Variants in GATB observed in about 807,000 individuals in gnomAD.
GATB encodes the protein glutamyl-tRNA(Gln) amidotransferase subunit B, mitochondrial.
Under a neutral mutation model 62.3 loss-of-function variants are expected in GATB, and 39 were observed. The ratio of observed to expected loss-of-function variants is 0.63; its 90% CI spans 0.48 to 0.82. GATB has a LOEUF of 0.82. GATB is among the 40% of genes least tolerant of loss of function. The probability of loss-of-function intolerance (pLI) is 0.00; values close to 1 mark genes in which losing one functional copy is unlikely to be tolerated. For synonymous variants in GATB, 276 were observed against 258.9 expected, an observed-to-expected ratio of 1.07 and a Z score of -0.63; for missense variants, 670 against 684.0, an observed-to-expected ratio of 0.98 and a Z score of 0.23.
At chr4:151,715,909 C>A in intron 5 of GATB, 100 bp downstream of exon 5, 1 of 1,317,514 alleles carries the variant, frequency 7.6e-7, no homozygotes, top group Non-Finnish European at 1.0e-6. Context: ...TGGCTGCAAA[C>A]AACCTCAATA....
intron 9 of GATB, among the ~76,000 whole-genome samples, chr4:151,699,777 TAC>T (rs35358434): frequency 3.3e-5 from 5 of 150,946 alleles, no homozygotes; most frequent in East Asian, 1.9e-4. Context: ...AGACAGCTAA[TAC>T]ACACACACAC....
In GATB at chr4:151,695,930, A is replaced by ATTTTTTTTTT. The variant is rs57028979; in HGVS notation, c.1197+5389_1197+5398dup. ...GTGCCACCATGCCCGGCTAATTTAA[A>ATTTTTTTTTT]TTTTTTTTTTTTTTTTTTTTTTGTA... On this transcript the variant is annotated intron_variant, in intron 9 of 12. Transcript: ENST00000263985. Among the ~76,000 whole-genome samples, 281 of 122,832 alleles carry ATTTTTTTTTT rather than the reference A, an allele frequency of 2.3e-3. 2 individuals are homozygous for ATTTTTTTTTT. The highest frequency in any genetic ancestry group is 3.8e-3 in the African/African-American group (114 of 30,222). 80.6% of individuals were successfully genotyped at this position (122,832 alleles called of 152,430 possible).
At position 151,758,863 on chromosome 4, in the gene GATB, G is replaced by C. The variant is rs1400137209; in HGVS notation, c.236C>G (p.Ser79Cys). 1 of 1,611,176 alleles carries C rather than the reference G, an allele frequency of 6.2e-7. No homozygotes were observed. Among genetic ancestry groups the C allele is most frequent in the African/African-American group, 1.3e-5 (1 of 74,864 alleles). The change falls in exon 2 of 13, where the codon TCT becomes TGT. Residue 79 changes from serine (S) to cysteine (C), a missense_variant. Transcript: ENST00000263985. ...LEIHAQISSN[S>C]KLFSGSQVRF... ...AACTTGAGATCCAGAGAAGAGTTTA[G>C]AGTTGGAGGAAATCTGGGCATGAAT...
intron 9 of GATB, chr4:151,691,805 G>A (rs1221187054): frequency 1.3e-5 from 2 of 152,220 alleles, no homozygotes; most frequent in Admixed American, 6.5e-5. Flanking sequence ...ATTTATTTAC[G>A]AGAAGGAAAC....
intron 8 of GATB, 34 bp from the exon 9 acceptor site, chr4:151,701,552 G>T (rs1279640328): frequency 7.2e-7 from 1 of 1,388,576 alleles, no homozygotes. Flanking sequence ...CCTGAATCTG[G>T]AGTACTTGGA....
chr4:151,756,020 T>G (rs1189607238), intron 2 of GATB, among the ~76,000 whole-genome samples: 1 of 152,074 alleles, frequency 6.6e-6, no homozygotes, highest in Non-Finnish European at 1.5e-5. Context: ...ACAGAAGAAT[T>G]GAGAGCCAAA....
intron 2 of GATB, among the ~76,000 whole-genome samples, chr4:151,736,627 T>C (rs1739379535): frequency 6.6e-6 from 1 of 152,170 alleles, no homozygotes; most frequent in African/African-American, 2.4e-5. Flanking sequence ...CACTATGAAG[T>C]GGAAGTATCT....
chr4:151,756,916 A>G (rs1645583210), intron 2 of GATB, among the ~76,000 whole-genome samples: 1 of 152,192 alleles, frequency 6.6e-6, no homozygotes, highest in Non-Finnish European at 1.5e-5. Flanking sequence ...CCTGATAGCC[A>G]TCACATTCAC....
chr4:151,679,689 A>G, intron 11 of GATB, 124 bp downstream of exon 11: 3 of 819,028 alleles, frequency 3.7e-6, no homozygotes, highest in Non-Finnish European at 6.3e-6. Context: ...TCAGCATTAA[A>G]AACACCACTA....
At chr4:151,676,920 G>C (rs147574774) in intron 11 of GATB, among the ~76,000 whole-genome samples, 1 of 152,254 alleles carries the variant, frequency 6.6e-6, no homozygotes, top group African/African-American at 2.4e-5. Flanking sequence ...CAAGGAAGTG[G>C]GTGAGAGACA....
Position 151,743,860 on chromosome 4 carries a change from C to T in GATB, c.327+14912G>A, listed in dbSNP as rs559753242. Among the ~76,000 whole-genome samples, 85 of 152,306 alleles carry T rather than the reference C, an allele frequency of 5.6e-4. 1 individual carries two copies. The highest frequency in any genetic ancestry group is 2.0e-3 in the African/African-American group (82 of 41,564). ...TATTTATATTTACAAAAGTGATAAT[C>T]TGACTTTGTGAACTAATCAGAAATA... On this transcript the variant is annotated intron_variant, in intron 2 of 12. Coordinates refer to ENST00000263985, the MANE Select transcript of GATB (RefSeq NM_004564.3).
At chr4:151,749,454 G>C (rs1739668794) in intron 2 of GATB, among the ~76,000 whole-genome samples, 1 of 140,028 alleles carries the variant, frequency 7.1e-6, no homozygotes, top group African/African-American at 2.6e-5. Flanking sequence ...GGTGAGAACT[G>C]AACAATAAGA....
At chr4:151,743,879 A>C (rs1739544729) in intron 2 of GATB, among the ~76,000 whole-genome samples, 1 of 152,244 alleles carries the variant, frequency 6.6e-6, no homozygotes, top group South Asian at 2.1e-4. Flanking sequence ...TGAACTAATC[A>C]GAAATAATCA....
intron 10 of GATB, among the ~76,000 whole-genome samples, chr4:151,685,054 A>G (rs1420660656): frequency 6.6e-6 from 1 of 152,242 alleles, no homozygotes; most frequent in Non-Finnish European, 1.5e-5. Flanking sequence ...TCGTCTGCTA[A>G]ATGAAAGAGC....
chr4:151,712,071 A>T (rs957727724), intron 5 of GATB, among the ~76,000 whole-genome samples: 3 of 152,222 alleles, frequency 2.0e-5, no homozygotes, highest in Non-Finnish European at 4.4e-5. Flanking sequence ...GCCTGCTTTT[A>T]AAAATGAAAG....
chr4:151,741,890 T>C (rs1316499702), intron 2 of GATB, among the ~76,000 whole-genome samples: 1 of 152,188 alleles, frequency 6.6e-6, no homozygotes, highest in East Asian at 1.9e-4. Flanking sequence ...AAAATGATCA[T>C]CTTTAAAGGC....
intron 10 of GATB, among the ~76,000 whole-genome samples, chr4:151,685,573 C>T (rs1029693655): frequency 6.6e-6 from 1 of 152,210 alleles, no homozygotes; most frequent in East Asian, 1.9e-4. Context: ...TGTTCCTGCA[C>T]CTGGGCTCCA....
chr4:151,760,094 C>G (rs1014824401), intron 1 of GATB, among the ~76,000 whole-genome samples: 1 of 152,342 alleles, frequency 6.6e-6, no homozygotes, highest in Admixed American at 6.5e-5. Context: ...CAATTTCCCT[C>G]TGTTCCTCCA....
chr4:151,718,598 C>G (rs1738961636), intron 3 of GATB, among the ~76,000 whole-genome samples: 1 of 152,178 alleles, frequency 6.6e-6, no homozygotes, highest in Non-Finnish European at 1.5e-5. Context: ...CTGGAGAACG[C>G]AGGTCTTACT....
Sources: allele counts gnomAD v4.1 joint callset (sites outside exome capture counted in the v4.1 genomes callset), GRCh38; gene constraint gnomAD v4.1.1; transcripts MANE v1.5; gene names NCBI Gene and HGNC (gene_info 2026-07-23, HGNC 2026-07-21).